SLC12A7: variants seen among roughly 807,000 people sequenced by gnomAD.
SLC12A7 encodes solute carrier family 12 member 7, also known as K-Cl cotransporter 4.
SLC12A7 carries 100 observed loss-of-function variants against 120.6 expected under a neutral mutation model. That is an observed-to-expected ratio of 0.83 (90% CI 0.71 to 0.98). The LOEUF (loss-of-function observed/expected upper bound fraction) is 0.98, where lower values mean the gene tolerates loss of function less well. SLC12A7 is among the 50% of genes least tolerant of loss of function. The pLI, the probability that SLC12A7 is intolerant of heterozygous loss-of-function variation, is 0.00. For missense variants in SLC12A7, 1,373 were observed against 1,548.1 expected, an observed-to-expected ratio of 0.89 and a Z score of 1.90; for synonymous variants, 760 against 678.0, an observed-to-expected ratio of 1.12 and a Z score of -1.88.
chr5:1,150,533 C>T, the SLC12A7 span, among the ~76,000 whole-genome samples: 2 of 152,246 alleles, frequency 1.3e-5, no homozygotes, highest in African/African-American at 4.8e-5. Flanking sequence ...CTGGTGTATA[C>T]ATGGAGCTGG....
intron 8 of SLC12A7, among the ~76,000 whole-genome samples, chr5:1,082,349 G>A (rs1200448785): frequency 1.8e-5 from 2 of 108,630 alleles, no homozygotes; most frequent in Non-Finnish European, 4.4e-5. Context: ...CCCGTCTCGG[G>A]TTCTGGAAAG....
chr5:1,110,691 G>C (rs1742931787), intron 1 of SLC12A7, among the ~76,000 whole-genome samples: 1 of 152,214 alleles, frequency 6.6e-6, no homozygotes, highest in Non-Finnish European at 1.5e-5. Context: ...CTGGAGAGAA[G>C]GGGCTTGGAC....
chr5:1,083,443 C>G (rs1202202278), intron 8 of SLC12A7, among the ~76,000 whole-genome samples: 2 of 152,244 alleles, frequency 1.3e-5, no homozygotes, highest in Admixed American at 6.5e-5. Flanking sequence ...CCACTCCCTT[C>G]TTAACACAGC....
At chr5:1,114,767 C>T (rs747130474), upstream of SLC12A7, among the ~76,000 whole-genome samples, 1 of 152,198 alleles carries the variant, frequency 6.6e-6, no homozygotes, top group Non-Finnish European at 1.5e-5. Context: ...GCCGGGGGCT[C>T]GCAGAGGGAG....
intron 22 of SLC12A7, chr5:1,057,230 C>T (rs1427007769): frequency 4.0e-6 from 2 of 495,732 alleles, no homozygotes; most frequent in Non-Finnish European, 7.0e-6. Context: ...TACAAGGACT[C>T]CCGGCCTTGG....
intron 1 of SLC12A7, among the ~76,000 whole-genome samples, chr5:1,109,255 C>T (rs933536440): frequency 6.6e-6 from 1 of 152,148 alleles, no homozygotes; most frequent in African/African-American, 2.4e-5. Flanking sequence ...ACCCCTACAA[C>T]CTGGGAAGGA....
At chr5:1,055,316 C>CGTGGACGTGCACACAGGCAG (rs1370737355) in intron 22 of SLC12A7, among the ~76,000 whole-genome samples, 1 of 152,242 alleles carries the variant, frequency 6.6e-6, no homozygotes, top group African/African-American at 2.4e-5. Context: ...CACTAACGTA[C>CGTGGACGTGCACACAGGCAG]GTGGACGTGC....
chr5:1,078,828 T>TGGGGGGG, intron 10 of SLC12A7, 70 bp from the exon 11 acceptor site: 1 of 31,744 alleles, frequency 3.2e-5, no homozygotes, highest in Non-Finnish European at 5.4e-5. Context: ...TGGGGTGGGG[T>TGGGGGGG]GGGGTGGGGT....
intron 17 of SLC12A7, among the ~76,000 whole-genome samples, chr5:1,069,672 G>A (rs774791313): frequency 2.0e-5 from 3 of 152,210 alleles, no homozygotes; most frequent in Non-Finnish European, 4.4e-5. Context: ...ACGCAGGTGG[G>A]CACTCAAAAG....
intron 6 of SLC12A7, among the ~76,000 whole-genome samples, chr5:1,086,684 G>A (rs1161567646): frequency 1.3e-5 from 2 of 152,254 alleles, no homozygotes; most frequent in Non-Finnish European, 2.9e-5. Context: ...CCTCACGGAG[G>A]GCAGCAATGG....
rs1361912309 is a variant in SLC12A7, at chr5:1,112,015, C to G, written c.-24G>C. ...ATGGCCGCCTGCAGCCGACAGTCCC[C>G]GTCCCGGCCCGGCCCGCGCTGCGCC... is the stretch of plus-strand genomic sequence containing the variant. On this transcript the variant is annotated 5_prime_UTR_variant, in exon 1 of 24. Transcript: ENST00000264930. 1.6e-6 allele frequency: 2 copies of G among 1,253,206 alleles called. No individual in the cohort carries two copies. The highest frequency in any genetic ancestry group is 2.0e-6 in the Non-Finnish European group (2 of 998,248). The allele number at this position is 1,253,206 out of a possible 1,614,324, so 77.6% of individuals were successfully genotyped here.
rs984519745 is a variant in SLC12A7 at position 1,093,971 on chromosome 5, C to T, written c.219+183G>A. 5.3e-5 allele frequency among the ~76,000 whole-genome samples: 8 copies of T among 152,212 alleles called. No homozygotes were observed. The East Asian group carries it at 9.7e-4, about 18-fold the overall frequency. On this transcript the variant is annotated intron_variant, in intron 2 of 23. Coordinates refer to ENST00000264930, the MANE Select transcript of SLC12A7 (RefSeq NM_006598.3). ...CCCAGAAGGCACCAGCCGAGGAGCA[C>T]GTCCCAGCTCAAGTGCGGGACTGGG... is the stretch of plus-strand genomic sequence containing the variant.
At chr5:1,076,626 C>T (rs1406065496) in intron 13 of SLC12A7, 68 bp downstream of exon 13, 3 of 1,170,836 alleles carry the variant, frequency 2.6e-6, no homozygotes, top group Non-Finnish European at 3.8e-6. Context: ...GCAGGACCTC[C>T]CATCCACACT....
chr5:1,139,817 C>G, the SLC12A7 span, among the ~76,000 whole-genome samples: 1 of 152,244 alleles, frequency 6.6e-6, no homozygotes, highest in African/African-American at 2.4e-5. Context: ...TCTAGGGCCA[C>G]TACGTCCCCA....
chr5:1,152,706 C>T, the SLC12A7 span, among the ~76,000 whole-genome samples: 1 of 152,132 alleles, frequency 6.6e-6, no homozygotes, highest in Non-Finnish European at 1.5e-5. Flanking sequence ...GCCTCAGCAC[C>T]GACACACCCC....
At chr5:1,099,359 C>T (rs1741750308) in intron 1 of SLC12A7, among the ~76,000 whole-genome samples, 1 of 151,894 alleles carries the variant, frequency 6.6e-6, no homozygotes, top group Non-Finnish European at 1.5e-5. Context: ...TCAACCCAGC[C>T]CCGACCCAGT....
Position 1,111,935 on chromosome 5 carries a change from G to A in SLC12A7, c.57C>T (p.Asp19=), listed in dbSNP as rs751955940. The A allele has an allele frequency of 1.6e-6, 2 of 1,287,388 alleles. No homozygotes were observed. The highest frequency in any genetic ancestry group is 3.1e-5 in the East Asian group (1 of 31,998). 79.7% of individuals were successfully genotyped at this position (1,287,388 alleles called of 1,614,324 possible). A position where few individuals can be genotyped will look rare whatever the true frequency, so the allele number is the denominator to read the frequency against. The change falls in exon 1 of 24, where the codon GAC becomes GAT. Residue 19 remains aspartate, a synonymous_variant. Transcript: ENST00000264930. ...GAGCCTCCGTCCGCTCGGCAGTCTCGTCCCCGCCGCCGTCGGCGTGAGCCT... is the reference window on the plus strand; with the variant it reads ...GAGCCTCCGTCCGCTCGGCAGTCTCATCCCCGCCGCCGTCGGCGTGAGCCT... ...PVEAHADGGG[D]ETAERTEAPG... is the part of the protein sequence containing the mutation.
Position 1,093,544 on chromosome 5 carries a change from G to T in SLC12A7, c.331C>A (p.Arg111=). Residue 111 remains arginine (R), a synonymous_variant, in exon 3 of 24, where the codon CGG becomes AGG. Coordinates refer to ENST00000264930, the MANE Select transcript of SLC12A7 (RefSeq NM_006598.3). ...CAGGGTGGCAGTACCTTGGCCTCCC[G>T]CCGCCGGCTCTCCTCGTCCTCCTCG... ...EHEEDEESRR[R]EAKAPRMGTF... 6.3e-7 allele frequency: 1 copy of T among 1,592,714 alleles called. No individual in the cohort carries two copies. Among genetic ancestry groups the T allele is most frequent in the African/African-American group, 1.3e-5 (1 of 74,756 alleles).
chr5:1,123,349 G>A, the SLC12A7 span, among the ~76,000 whole-genome samples: 3 of 152,094 alleles, frequency 2.0e-5, no homozygotes, highest in African/African-American at 7.2e-5. Flanking sequence ...AGGGGAGGGG[G>A]CCACTCCTGG....
Sources: allele counts gnomAD v4.1 joint callset (sites outside exome capture counted in the v4.1 genomes callset), GRCh38; gene constraint gnomAD v4.1.1; transcripts MANE v1.5; gene names NCBI Gene and HGNC (gene_info 2026-07-23, HGNC 2026-07-21).